HERC1: variants seen among roughly 807,000 people sequenced by gnomAD.
HERC1 encodes probable E3 ubiquitin-protein ligase HERC1.
In HERC1, 160 loss-of-function variants were observed where a neutral mutation model predicts 554.3. That is an observed-to-expected ratio of 0.29 (90% CI 0.25 to 0.33). The LOEUF (loss-of-function observed/expected upper bound fraction) is 0.33. Ranked by LOEUF, HERC1 falls within the 10% of genes least tolerant of loss-of-function variation. HERC1 has a pLI of 1.00. For synonymous variants in HERC1, 2,175 were observed against 2,131.7 expected, an observed-to-expected ratio of 1.02 and a Z score of -0.56; for missense variants, 4,919 against 5,918.5, an observed-to-expected ratio of 0.83 and a Z score of 5.54.
intron 17 of HERC1, among the ~76,000 whole-genome samples, chr15:63,726,154 G>A (rs1040754185): frequency 1.3e-5 from 2 of 152,180 alleles, no homozygotes; most frequent in East Asian, 1.9e-4. Flanking sequence ...GCTAATTTTT[G>A]TATTTTTAGT....
chr15:63,755,168 T>C (rs2075381362), intron 6 of HERC1, 61 bp downstream of exon 6: 4 of 1,151,366 alleles, frequency 3.5e-6, no homozygotes, highest in Non-Finnish European at 5.1e-6. Context: ...TCACGGCTTC[T>C]CAGTAACTTA....
intron 74 of HERC1, among the ~76,000 whole-genome samples, chr15:63,620,103 T>C (rs2068007447): frequency 6.6e-6 from 1 of 152,210 alleles, no homozygotes; most frequent in Non-Finnish European, 1.5e-5. Flanking sequence ...CAATTTTCGA[T>C]CTTTCCTGCT....
intron 68 of HERC1, 52 bp from the exon 69 acceptor site, chr15:63,630,687 A>T (rs1255310429): frequency 6.5e-7 from 1 of 1,531,754 alleles, no homozygotes; most frequent in African/African-American, 1.4e-5. Context: ...CACACAACAC[A>T]GTGCTTTTAT....
At chr15:63,625,084 CCTAT>C (rs879639586) in intron 71 of HERC1, among the ~76,000 whole-genome samples, 27 of 152,230 alleles carry the variant, frequency 1.8e-4, no homozygotes, top group Middle Eastern at 3.4e-3. Flanking sequence ...GACTCTGCTG[CCTAT>C]CTATTTCTAG....
chr15:63,718,717 A>T lies in HERC1; in HGVS notation c.3858-23T>A. ...TATCTAAATGAAGAACCAAAATAGA[A>T]AAGTTACCTAATTTCTGACATCATG... On this transcript the variant is annotated intron_variant, in intron 20 of 77. Transcript: ENST00000443617. This position sits in a 1 kb window ranked among gnomAD's most constrained non-coding sequence, Gnocchi z 4.2. 6.2e-7 allele frequency: 1 copy of T among 1,601,276 alleles called. No homozygotes were observed.
intron 12 of HERC1, among the ~76,000 whole-genome samples, chr15:63,744,160 G>GTCTCTCTCTCTC (rs2074956966): frequency 2.6e-5 from 1 of 38,982 alleles, no homozygotes; most frequent in Non-Finnish European, 8.2e-5. Flanking sequence ...GTGTGTGTGT[G>GTCTCTCTCTCTC]TGTGTCTCTC....
At chr15:63,658,318 C>T (rs1426019313) in intron 48 of HERC1, among the ~76,000 whole-genome samples, 1 of 152,176 alleles carries the variant, frequency 6.6e-6, no homozygotes, top group African/African-American at 2.4e-5. Flanking sequence ...AAAATGTATG[C>T]AGTTTACTCA....
intron 48 of HERC1, among the ~76,000 whole-genome samples, chr15:63,658,338 A>C (rs1157286547): frequency 4.6e-5 from 7 of 152,256 alleles, no homozygotes; most frequent in East Asian, 3.8e-4. Flanking sequence ...AGTTGTGATA[A>C]TGGCATTATT....
chr15:63,683,300 G>C (rs1045382501), intron 34 of HERC1, among the ~76,000 whole-genome samples: 1 of 152,144 alleles, frequency 6.6e-6, no homozygotes, highest in Non-Finnish European at 1.5e-5. Context: ...GGGTGGATTG[G>C]AATTTAAACT....
rs140819055 is a variant in HERC1, at chr15:63,718,121, C to CACATAT, written c.3978+452_3978+453insATATGT. Among the ~76,000 whole-genome samples the CACATAT allele has an allele frequency of 2.1e-5, 3 of 143,074 alleles. No individual in the cohort carries two copies. Among genetic ancestry groups the CACATAT allele is most frequent in the Non-Finnish European group, 4.6e-5 (3 of 65,122 alleles). 93.9% of individuals were successfully genotyped at this position (143,074 alleles called of 152,430 possible). On this transcript the variant is annotated intron_variant, in intron 21 of 77. Coordinates refer to ENST00000443617, the MANE Select transcript of HERC1 (RefSeq NM_003922.4). This position sits in a 1 kb window ranked among gnomAD's most constrained non-coding sequence, Gnocchi z 4.2. Reference sequence around the variant, plus strand: ...ACACACACACACACACACACACACACACAACCCCCTCCTTGGTTTTCACTT... The same window carrying CACATAT: ...ACACACACACACACACACACACACACACATATACAACCCCCTCCTTGGTTTTCACTT...
At chr15:63,652,691 T>C in intron 51 of HERC1, 150 bp from the exon 52 acceptor site, 4 of 648,266 alleles carry the variant, frequency 6.2e-6, no homozygotes, top group Non-Finnish European at 1.0e-5. Context: ...CTTGCTCTGT[T>C]GCCCAGACTG....
At chr15:63,746,684 T>C (rs2075067054) in intron 12 of HERC1, among the ~76,000 whole-genome samples, 1 of 152,140 alleles carries the variant, frequency 6.6e-6, no homozygotes, top group African/African-American at 2.4e-5. Flanking sequence ...AATGAGAACA[T>C]ATACAAGAAA....
intron 12 of HERC1, 54 bp downstream of exon 12, chr15:63,746,864 A>C: frequency 6.9e-7 from 1 of 1,457,794 alleles, no homozygotes; most frequent in Non-Finnish European, 9.4e-7. Flanking sequence ...TATAGCTAAA[A>C]TCTCAGAGAA....
chr15:63,826,988 C>T (rs1596337770), intron 1 of HERC1, among the ~76,000 whole-genome samples: 1 of 151,602 alleles, frequency 6.6e-6, no homozygotes, highest in East Asian at 1.9e-4. Flanking sequence ...ATCACACTTA[C>T]AGAAATCTAC....
At chr15:63,814,806 G>C (rs1411663619) in intron 1 of HERC1, among the ~76,000 whole-genome samples, 1 of 152,158 alleles carries the variant, frequency 6.6e-6, no homozygotes, top group Non-Finnish European at 1.5e-5. Context: ...TTAAATCCAA[G>C]AATCAGCTCT....
intron 43 of HERC1, among the ~76,000 whole-genome samples, chr15:63,664,064 C>T (rs1031377955): frequency 1.3e-5 from 2 of 152,208 alleles, no homozygotes; most frequent in African/African-American, 4.8e-5. Flanking sequence ...GAAGCCCTAA[C>T]AACCACAGAG....
At chr15:63,666,642 A>G (rs1412408385) in intron 40 of HERC1, among the ~76,000 whole-genome samples, 170 bp from the exon 41 acceptor site, 2 of 152,166 alleles carry the variant, frequency 1.3e-5, no homozygotes, top group African/African-American at 4.8e-5. Context: ...CAGTTTTACT[A>G]ACATCCATTT....
rs775368218 is a variant in HERC1, at chr15:63,713,638, C to T, written c.4178G>A (p.Arg1393His). The change falls in exon 23 of 78, where the codon CGT becomes CAT. Residue 1393 changes from arginine to histidine, a missense_variant. By Grantham distance (29) the Arg-to-His change is conservative. Coordinates refer to ENST00000443617, the MANE Select transcript of HERC1 (RefSeq NM_003922.4). ...TCGGTCTCGGCTACGAGCTACTTCA[C>T]GGGCTGAGAGGAAACACTGAAAGAT... ...GKIFQCFLSA[R>H]EVARSRDRDR... 18 of 1,611,734 alleles carry T rather than the reference C, an allele frequency of 1.1e-5. No homozygotes were observed. The highest frequency in any genetic ancestry group is 6.7e-5 in the East Asian group (3 of 44,836).
chr15:63,765,028 G>T (rs2075730050), intron 2 of HERC1, among the ~76,000 whole-genome samples: 2 of 152,056 alleles, frequency 1.3e-5, no homozygotes, highest in Admixed American at 1.3e-4. Flanking sequence ...CCTGACAAAA[G>T]AAAAAAATTA....
Sources: gnomAD v4.1 joint callset for allele counts (sites outside exome capture counted in the v4.1 genomes callset) on GRCh38, gnomAD v4.1.1 for gene constraint, Gnocchi (gnomAD v3.1) non-coding constraint, MANE v1.5 for transcripts, NCBI Gene and HGNC (gene_info 2026-07-23, HGNC 2026-07-21) for gene names.